BCL11A: variants seen among roughly 807,000 people sequenced by gnomAD.
The protein encoded by BCL11A is B cell CLL/lymphoma 11A.
A neutral mutation model predicts 55.9 loss-of-function variants in BCL11A; 2 were observed. The ratio of observed to expected loss-of-function variants is 0.04; its 90% CI spans 0.01 to 0.11. The LOEUF is 0.11. Ranked by LOEUF, BCL11A falls within the 10% of genes least tolerant of loss-of-function variation. The probability of loss-of-function intolerance (pLI) is 1.00; values close to 1 mark genes in which losing one functional copy is unlikely to be tolerated. For synonymous variants in BCL11A, 465 were observed against 473.4 expected (o/e 0.98, Z 0.23); for missense variants, 817 against 1,137.1 (o/e 0.72, Z 4.05).
At position 60,451,214 on chromosome 2, in the gene BCL11A, C is replaced by T. The variant is rs75570745; in HGVS notation, c.*1361G>A. On this transcript the variant is annotated 3_prime_UTR_variant, in exon 5 of 5. Coordinates refer to the BCL11A transcript ENST00000356842. Reference sequence around the variant, plus strand: ...AATAAGCAGGAAATAATTCACATGCCAATTATTTGGCTATCTTTTCACTAA... The same window carrying T: ...AATAAGCAGGAAATAATTCACATGCTAATTATTTGGCTATCTTTTCACTAA... 712 of 215,214 alleles carry T rather than the reference C, an allele frequency of 3.3e-3. 10 individuals carry two copies. Among genetic ancestry groups the T allele is most frequent in the Middle Eastern group, 0.019 (13 of 692 alleles). The allele number at this position is 215,214 out of a possible 1,614,324, so 13.3% of individuals were successfully genotyped here. A position where few individuals can be genotyped will look rare whatever the true frequency, so the allele number is the denominator to read the frequency against.
chr2:60,476,270 T>C (rs974549536), intron 2 of BCL11A, among the ~76,000 whole-genome samples: 1 of 152,236 alleles, frequency 6.6e-6, no homozygotes, highest in Admixed American at 6.5e-5. Flanking sequence ...AAAGTTTACA[T>C]GTCTGAGCTT....
intron 2 of BCL11A, chr2:60,543,741 C>T (rs185621973): frequency 6.6e-6 from 1 of 152,316 alleles, no homozygotes; most frequent in East Asian, 1.9e-4. Flanking sequence ...GAAATCAAGA[C>T]TTTGTAATTA....
chr2:60,521,366 G>T (rs569270275), intron 2 of BCL11A, among the ~76,000 whole-genome samples: 5 of 152,310 alleles, frequency 3.3e-5, no homozygotes, highest in Non-Finnish European at 7.3e-5. Context: ...CCCGGGCCTG[G>T]GCCTGGGCCT....
At chr2:60,535,371 A>G (rs1329682931) in intron 2 of BCL11A, 1 of 152,206 alleles carries the variant, frequency 6.6e-6, no homozygotes, top group Non-Finnish European at 1.5e-5. Context: ...CTAAGATACA[A>G]ACAGAGGCTG....
At chr2:60,531,870 G>T (rs576281064) in intron 2 of BCL11A, among the ~76,000 whole-genome samples, 2 of 152,114 alleles carry the variant, frequency 1.3e-5, no homozygotes, top group African/African-American at 4.8e-5. Flanking sequence ...CCCCTCAAAG[G>T]ACAAATGAAA....
At chr2:60,498,225 A>C (rs1679064292) in intron 2 of BCL11A, among the ~76,000 whole-genome samples, 1 of 151,988 alleles carries the variant, frequency 6.6e-6, no homozygotes, top group Non-Finnish European at 1.5e-5. Context: ...CCCTGGGCAC[A>C]GAAGTGGTGC....
chr2:60,452,532 G>C, downstream of BCL11A: 1 of 1,492,894 alleles, frequency 6.7e-7, no homozygotes, highest in Non-Finnish European at 9.3e-7. Flanking sequence ...GACGTCGACT[G>C]GGCGGCACGC....
Position 60,553,453 on chromosome 2 carries a change from T to TG in BCL11A, c.-184dup, listed in dbSNP as rs1347517867. On this transcript the variant is annotated 5_prime_UTR_variant, in exon 1 of 4. The change abolishes the stop of an existing upstream ORF in the 5' untranslated region. Coordinates refer to ENST00000642384, the MANE Select transcript of BCL11A (RefSeq NM_022893.4). ...AAGATGGCGCAGGGAAGATGAATTG[T>TG]GGGAGAGCCGTCATGGCTTTTTTTT... 2.9e-6 allele frequency: 1 copy of TG among 345,496 alleles called. No homozygotes were observed. 21.4% of individuals were successfully genotyped at this position (345,496 alleles called of 1,614,324 possible). A position where few individuals can be genotyped will look rare whatever the true frequency, so the allele number is the denominator to read the frequency against.
chr2:60,460,298 G>T lies in BCL11A; in HGVS notation c.*106C>A. 1 of 1,492,634 alleles carries T rather than the reference G, an allele frequency of 6.7e-7. No homozygotes were observed. 92.5% of individuals were successfully genotyped at this position (1,492,634 alleles called of 1,614,324 possible). A position where few individuals can be genotyped will look rare whatever the true frequency, so the allele number is the denominator to read the frequency against. ...TTGTTTGTTTGTTTAAATCACATGG[G>T]ACTAGAAAAAAATCCTACAGGGAGT... On this transcript the variant is annotated 3_prime_UTR_variant, in exon 4 of 4. Coordinates refer to ENST00000642384, the MANE Select transcript of BCL11A (RefSeq NM_022893.4).
intron 1 of BCL11A, among the ~76,000 whole-genome samples, chr2:60,550,400 C>A (rs1179133972): frequency 6.6e-6 from 1 of 152,112 alleles, no homozygotes; most frequent in Non-Finnish European, 1.5e-5. Flanking sequence ...CCGTTCTTTC[C>A]CCCCACCCCC....
At position 60,457,693 on chromosome 2, in the gene BCL11A, T is replaced by TTTTC; in HGVS notation, c.*2707_*2710dup. 1 of 1,034,564 alleles carries TTTTC rather than the reference T, an allele frequency of 9.7e-7. No individual in the cohort carries two copies. Among genetic ancestry groups the TTTTC allele is most frequent in the Non-Finnish European group, 1.2e-6 (1 of 859,700 alleles). The allele number at this position is 1,034,564 out of a possible 1,614,324, so 64.1% of individuals were successfully genotyped here. Reference sequence around the variant, plus strand: ...TGGTTTTTTTTTTTTTTTCCTTTTTTTTTCTTTCTTTCTTTTACTGCATAT... The same window carrying TTTTC: ...TGGTTTTTTTTTTTTTTTCCTTTTTTTTTCTTTCTTTCTTTCTTTTACTGCATAT... On this transcript the variant is annotated 3_prime_UTR_variant, in exon 4 of 4. Transcript: ENST00000642384.
At chr2:60,484,127 T>C (rs1678129629) in intron 2 of BCL11A, 2 of 152,248 alleles carry the variant, frequency 1.3e-5, no homozygotes, top group African/African-American at 2.4e-5. Flanking sequence ...ATGCTTCGTC[T>C]GTGACAGTTG....
At chr2:60,469,424 TG>T (rs1264282388) in intron 2 of BCL11A, among the ~76,000 whole-genome samples, 7 of 152,204 alleles carry the variant, frequency 4.6e-5, no homozygotes, top group African/African-American at 1.7e-4. Flanking sequence ...TGGACTGAGC[TG>T]GGCCATACTC....
At chr2:60,468,401 C>T (rs1270944505) in intron 3 of BCL11A, among the ~76,000 whole-genome samples, 2 of 152,116 alleles carry the variant, frequency 1.3e-5, no homozygotes, top group African/African-American at 4.8e-5. Context: ...AATGAGGCCA[C>T]AGGAGTGAAT....
intron 2 of BCL11A, among the ~76,000 whole-genome samples, chr2:60,471,241 C>T (rs1323651976): frequency 6.6e-6 from 1 of 152,218 alleles, no homozygotes; most frequent in Non-Finnish European, 1.5e-5. Flanking sequence ...CCTCTGCTTC[C>T]CCTGCAGAAT....
chr2:60,499,361 T>G (rs1444706606), intron 2 of BCL11A, among the ~76,000 whole-genome samples: 1 of 152,164 alleles, frequency 6.6e-6, no homozygotes, highest in Non-Finnish European at 1.5e-5. Context: ...CCTTATTCCT[T>G]CAGGAGCAAT....
chr2:60,484,543 C>T (rs1350667763), intron 2 of BCL11A: 1 of 152,132 alleles, frequency 6.6e-6, no homozygotes, highest in African/African-American at 2.4e-5. Flanking sequence ...GATTGTGGAA[C>T]AGAAACTCTC....
chr2:60,482,332 C>T (rs1369454562), intron 2 of BCL11A, among the ~76,000 whole-genome samples: 1 of 151,844 alleles, frequency 6.6e-6, no homozygotes, highest in Non-Finnish European at 1.5e-5. Context: ...GAGGCTGATA[C>T]ATGGAGCAGA....
At chr2:60,468,904 T>C in intron 2 of BCL11A, 71 bp from the exon 3 acceptor site, 1 of 927,072 alleles carries the variant, frequency 1.1e-6, no homozygotes, top group South Asian at 1.4e-5. Context: ...GGATATCACA[T>C]TTCAATTCCA....
Sources: gnomAD v4.1 joint callset for allele counts (sites outside exome capture counted in the v4.1 genomes callset) on GRCh38, gnomAD v4.1.1 for gene constraint, MANE v1.5 for transcripts, NCBI Gene and HGNC (gene_info 2026-07-23, HGNC 2026-07-21) for gene names.